ESCO1: variants seen among roughly 807,000 people sequenced by gnomAD.
ESCO1 encodes the protein establishment of sister chromatid cohesion N-acetyltransferase 1.
ESCO1 carries 33 observed loss-of-function variants against 83.5 expected under a neutral mutation model. The observed-to-expected ratio is 0.40, with a 90% CI of 0.30 to 0.53. ESCO1 has a LOEUF of 0.53. ESCO1 is among the 20% of genes least tolerant of loss of function. The pLI, the probability that ESCO1 is intolerant of heterozygous loss-of-function variation, is 0.63. For synonymous variants in ESCO1, 332 were observed against 324.3 expected (o/e 1.02, Z -0.25); for missense variants, 855 against 968.0 (o/e 0.88, Z 1.55).
intron 9 of ESCO1, 146 bp from the exon 10 acceptor site, chr18:21,536,331 T>C: frequency 1.1e-6 from 1 of 908,162 alleles, no homozygotes; most frequent in Non-Finnish European, 1.6e-6. Flanking sequence ...GGTTCACACC[T>C]GTAATCCTAC....
rs79636907 is a variant in ESCO1 at position 21,559,716 on chromosome 18, A to G, written c.1953+1143T>C. On this transcript the variant is annotated intron_variant, in intron 8 of 11. Transcript: ENST00000269214. Reference sequence around the variant, plus strand: ...TTCTTTTCACAATGCAAGGATATTAACATAGTCAAATTGAAAAAGTACAAA... The same window carrying G: ...TTCTTTTCACAATGCAAGGATATTAGCATAGTCAAATTGAAAAAGTACAAA... Among the ~76,000 whole-genome samples the G allele has an allele frequency of 4.8e-3, 732 of 152,334 alleles. 3 individuals carry two copies. The highest frequency in any genetic ancestry group is 0.016 in the African/African-American group (681 of 41,584).
rs369079137 is a variant in ESCO1, at chr18:21,582,967, G to A, written c.-694+1343C>T. Reference sequence around the variant, plus strand: ...GCACTTTGGGGGGGCCAAGGTGTGCGAATCACCTGAGGTCAGGAGTTCGAG... The same window carrying A: ...GCACTTTGGGGGGGCCAAGGTGTGCAAATCACCTGAGGTCAGGAGTTCGAG... On this transcript the variant is annotated intron_variant, in intron 2 of 11. Transcript: ENST00000269214. Among the ~76,000 whole-genome samples, 7 of 152,238 alleles carry A rather than the reference G, an allele frequency of 4.6e-5. No individual in the cohort carries two copies. In the South Asian group the frequency reaches 1.0e-3, roughly 23 times the overall value.
Position 21,540,025 on chromosome 18 carries a change from T to C in ESCO1, c.1954-16A>G, listed in dbSNP as rs766355070. ...TCTTCCAGCCCTAGATATATATATA[T>C]ATATATACACACATATGTAAAGTAT... On this transcript the variant is annotated splice_polypyrimidine_tract_variant and intron_variant, in intron 8 of 11. Transcript: ENST00000269214. The C allele has an allele frequency of 5.8e-6, 9 of 1,549,276 alleles. No individual in the cohort carries two copies. The highest frequency in any genetic ancestry group is 3.5e-6 in the Non-Finnish European group (4 of 1,131,474).
intron 4 of ESCO1, 30 bp downstream of exon 4, chr18:21,573,284 C>A: frequency 6.6e-7 from 1 of 1,516,762 alleles, no homozygotes; most frequent in Non-Finnish European, 8.8e-7. Context: ...TATTTCGGCA[C>A]CTCTATTGTG....
Position 21,573,988 on chromosome 18 carries a change from C to T in ESCO1, c.856G>A (p.Glu286Lys), listed in dbSNP as rs778091875. Residue 286 changes from glutamate (E) to lysine (K), a missense_variant, in exon 4 of 12, where the codon GAA becomes AAA. Coordinates refer to ENST00000269214, the MANE Select transcript of ESCO1 (RefSeq NM_052911.3). Reference protein sequence around the residue: ...LPKSPQPSVPEQSDNELEQAG... With the variant: ...LPKSPQPSVPKQSDNELEQAG... ...TGCTCCAGCTCATTATCACTTTGTTCAGGCACTGATGGCTGTGGACTTTTT... is the reference window on the plus strand; with the variant it reads ...TGCTCCAGCTCATTATCACTTTGTTTAGGCACTGATGGCTGTGGACTTTTT... 48 of 1,613,718 alleles carry T rather than the reference C, an allele frequency of 3.0e-5. No individual in the cohort carries two copies. In the South Asian group the frequency reaches 5.1e-4, roughly 17 times the overall value.
intron 4 of ESCO1, among the ~76,000 whole-genome samples, chr18:21,569,427 T>A (rs1257235181): frequency 4.0e-5 from 6 of 151,594 alleles, no homozygotes; most frequent in Non-Finnish European, 8.8e-5. Flanking sequence ...TGAAACCCTG[T>A]CTCTACCAAA....
At position 21,574,018 on chromosome 18, in the gene ESCO1, G is replaced by C. The variant is rs77073802; in HGVS notation, c.826C>G (p.Leu276Val). The C allele has an allele frequency of 4.5e-4, 731 of 1,613,350 alleles. 3 individuals are homozygous for C. The African/African-American group carries it at 8.5e-3, about 19-fold the overall frequency. Reference sequence around the variant, plus strand: ...ACTGATGGCTGTGGACTTTTTGGGAGTGTTGTGTTAGTATTCACTTGTGTA... The same window carrying C: ...ACTGATGGCTGTGGACTTTTTGGGACTGTTGTGTTAGTATTCACTTGTGTA... The part of the protein sequence containing the change: ...VHTQVNTNTT[L>V]PKSPQPSVPE... The change falls in exon 4 of 12, where the codon CTC becomes GTC. Residue 276 changes from leucine (L) to valine (V), a missense_variant. Physicochemically the swap from Leu to Val is conservative, Grantham distance 32. Transcript: ENST00000269214.
chr18:21,569,656 A>G (rs1475677888), intron 4 of ESCO1, among the ~76,000 whole-genome samples: 4 of 152,140 alleles, frequency 2.6e-5, no homozygotes, highest in African/African-American at 9.7e-5. Flanking sequence ...GAGGCAAGAG[A>G]ATCACTTGAA....
intron 1 of ESCO1, among the ~76,000 whole-genome samples, chr18:21,600,421 C>A (rs960673461): frequency 1.3e-5 from 2 of 152,226 alleles, no homozygotes; most frequent in Non-Finnish European, 2.9e-5. Context: ...CTACCTCAAG[C>A]GACGGCGTCT....
intron 8 of ESCO1, among the ~76,000 whole-genome samples, chr18:21,547,209 C>G (rs2037984764): frequency 6.6e-6 from 1 of 152,118 alleles, no homozygotes; most frequent in African/African-American, 2.4e-5. Context: ...TATCCATCGT[C>G]CCTCGCACTG....
At chr18:21,584,860 T>C (rs1215266360) in intron 1 of ESCO1, among the ~76,000 whole-genome samples, 8 of 151,982 alleles carry the variant, frequency 5.3e-5, no homozygotes, top group African/African-American at 1.9e-4. Context: ...TTTTTCACAA[T>C]TATATGCAAA....
At chr18:21,593,762 A>C (rs2038720515) in intron 1 of ESCO1, among the ~76,000 whole-genome samples, 1 of 152,056 alleles carries the variant, frequency 6.6e-6, no homozygotes, top group Non-Finnish European at 1.5e-5. Context: ...GGCTTGTCAA[A>C]TTCATAACTC....
intron 10 of ESCO1, among the ~76,000 whole-genome samples, chr18:21,533,619 T>A (rs1031067687): frequency 2.6e-5 from 4 of 151,924 alleles, no homozygotes; most frequent in African/African-American, 9.7e-5. Context: ...CAGTTAAGAG[T>A]CAGCAAAAAC....
chr18:21,585,717 T>G (rs1005620191), intron 1 of ESCO1, among the ~76,000 whole-genome samples: 1 of 152,104 alleles, frequency 6.6e-6, no homozygotes, highest in African/African-American at 2.4e-5. Flanking sequence ...CTCAGCCTCC[T>G]GAGTAGCTGA....
rs759367419 is a variant in ESCO1 at position 21,573,754 on chromosome 18, G to A, written c.1090C>T (p.Arg364Cys). The A allele has an allele frequency of 5.6e-6, 9 of 1,613,980 alleles. No homozygotes were observed. In the African/African-American group the frequency reaches 6.7e-5, roughly 12 times the overall value. The part of the protein sequence containing the change: ...KETNQDVQCN[R>C]FFPSRKTKPV... ...TTTGTTTTTCTACTTGGGAAAAAAC[G>A]ATTACATTGCACATCCTGATTTGTT... is the stretch of plus-strand genomic sequence containing the variant. Residue 364 changes from arginine (R) to cysteine (C), a missense_variant, in exon 4 of 12, where the codon CGT (arginine) becomes TGT (cysteine). Physicochemically the swap from Arg to Cys is radical, Grantham distance 180. Transcript: ENST00000269214.
chr18:21,572,762 C>T (rs929215859), intron 4 of ESCO1, among the ~76,000 whole-genome samples: 2 of 151,910 alleles, frequency 1.3e-5, no homozygotes, highest in Admixed American at 6.6e-5. Flanking sequence ...GTCGGGAGTT[C>T]GAGACCAGCC....
At chr18:21,537,418 C>T (rs1212668963) in intron 9 of ESCO1, among the ~76,000 whole-genome samples, 1 of 152,082 alleles carries the variant, frequency 6.6e-6, no homozygotes, top group African/African-American at 2.4e-5. Context: ...GCCAGTAGTC[C>T]CAGCTACTCA....
chr18:21,558,554 C>T (rs917642746), intron 8 of ESCO1, among the ~76,000 whole-genome samples: 25 of 151,978 alleles, frequency 1.6e-4, no homozygotes, highest in Non-Finnish European at 2.5e-4. Flanking sequence ...TACAGTGAAA[C>T]TCCATCTCTA....
Position 21,540,017 on chromosome 18 carries a change from T to C in ESCO1, c.1954-8A>G, listed in dbSNP as rs765297358. 6.4e-6 allele frequency: 5 copies of C among 782,304 alleles called. No homozygotes were observed. Among genetic ancestry groups the C allele is most frequent in the Non-Finnish European group, 8.6e-6 (5 of 583,220 alleles). The allele number at this position is 782,304 out of a possible 1,614,324, so 48.5% of individuals were successfully genotyped here. On this transcript the variant is annotated splice_region_variant and splice_polypyrimidine_tract_variant and intron_variant, in intron 8 of 11. Transcript: ENST00000269214. ...TCTTTCTTTCTTCCAGCCCTAGATA[T>C]ATATATATATATATACACACATATG...
Sources: allele counts gnomAD v4.1 joint callset (sites outside exome capture counted in the v4.1 genomes callset), GRCh38; gene constraint gnomAD v4.1.1; transcripts MANE v1.5; gene names NCBI Gene and HGNC (gene_info 2026-07-23, HGNC 2026-07-21).